The following BACH2 variants were observed in gnomAD, a reference collection of about 807,000 sequenced individuals.
BACH2 encodes the protein BACH transcriptional regulator 2.
Under a neutral mutation model 61.8 loss-of-function variants are expected in BACH2, and 5 were observed. That is an observed-to-expected ratio of 0.08 (90% CI 0.04 to 0.17). BACH2 has a LOEUF of 0.17. BACH2 is among the 10% of genes least tolerant of loss of function. The pLI is 1.00. For synonymous variants in BACH2, 446 were observed against 440.1 expected (o/e 1.01, Z -0.17); for missense variants, 824 against 1,091.1 (o/e 0.76, Z 3.45).
chr6:90,113,682 C>T (rs945087119), intron 4 of BACH2, among the ~76,000 whole-genome samples: 1 of 151,806 alleles, frequency 6.6e-6, no homozygotes, highest in African/African-American at 2.4e-5. Context: ...TAACAAAAAT[C>T]AGAGCTGAAC....
chr6:90,153,607 T>C (rs1784898423), intron 4 of BACH2, among the ~76,000 whole-genome samples: 4 of 152,196 alleles, frequency 2.6e-5, no homozygotes, highest in South Asian at 2.1e-4. Context: ...ATTAAGTGAA[T>C]AGCAATCTGA....
chr6:90,023,268 C>G (rs899725027), intron 5 of BACH2, among the ~76,000 whole-genome samples: 23 of 152,136 alleles, frequency 1.5e-4, no homozygotes, highest in Non-Finnish European at 4.4e-5. Context: ...GAGGTGGGGC[C>G]TGGTGGGAGG....
At chr6:90,057,945 A>G (rs1780459052) in intron 5 of BACH2, among the ~76,000 whole-genome samples, 1 of 152,232 alleles carries the variant, frequency 6.6e-6, no homozygotes, top group African/African-American at 2.4e-5. Context: ...AAAACTCTCA[A>G]TAAATTAGGG....
At chr6:90,028,548 C>G (rs141889808) in intron 5 of BACH2, among the ~76,000 whole-genome samples, 1 of 152,314 alleles carries the variant, frequency 6.6e-6, no homozygotes, top group Non-Finnish European at 1.5e-5. Flanking sequence ...TGGGGCCAGC[C>G]TGCCTGCATC....
chr6:90,253,737 C>T (rs946904187), intron 2 of BACH2, among the ~76,000 whole-genome samples: 3 of 152,034 alleles, frequency 2.0e-5, no homozygotes, highest in African/African-American at 7.2e-5. Flanking sequence ...TGGAAGAATC[C>T]AAGTGTATTT....
rs1361260406 is a variant in BACH2 at position 89,931,932 on chromosome 6, T to C, written c.*476A>G. 1 of 58,130 alleles carries C rather than the reference T, an allele frequency of 1.7e-5. No individual in the cohort carries two copies. The highest frequency in any genetic ancestry group is 3.2e-5 in the Non-Finnish European group (1 of 31,632). 3.6% of individuals were successfully genotyped at this position (58,130 alleles called of 1,614,324 possible). A position where few individuals can be genotyped will look rare whatever the true frequency, so the allele number is the denominator to read the frequency against. On this transcript the variant is annotated 3_prime_UTR_variant, in exon 9 of 9. Coordinates refer to ENST00000257749, the MANE Select transcript of BACH2 (RefSeq NM_021813.4). Reference sequence around the variant, plus strand: ...TTGAGGCATGCAGGACTTTTGCATATGGATATATATATATATATATATATA... The same window carrying C: ...TTGAGGCATGCAGGACTTTTGCATACGGATATATATATATATATATATATA...
intron 5 of BACH2, among the ~76,000 whole-genome samples, chr6:90,054,652 T>C (rs1437954473): frequency 2.0e-5 from 3 of 152,332 alleles, no homozygotes; most frequent in South Asian, 2.1e-4. Flanking sequence ...CAGCTTGAGA[T>C]CTGAGAACGG....
intron 8 of BACH2, among the ~76,000 whole-genome samples, chr6:89,937,566 A>G (rs906268119): frequency 2.0e-5 from 3 of 152,132 alleles, no homozygotes; most frequent in African/African-American, 4.8e-5. Flanking sequence ...GTTTCACTCT[A>G]TCACCCAGGC....
At chr6:89,976,424 A>C (rs1775655881) in intron 6 of BACH2, among the ~76,000 whole-genome samples, 1 of 152,238 alleles carries the variant, frequency 6.6e-6, no homozygotes, top group South Asian at 2.1e-4. Context: ...GGCTACTAGC[A>C]GTCTAAACTC....
chr6:89,976,852 C>T (rs2128362197), intron 6 of BACH2, among the ~76,000 whole-genome samples: 1 of 152,244 alleles, frequency 6.6e-6, no homozygotes, highest in East Asian at 1.9e-4. Flanking sequence ...TAAAAAAAAT[C>T]ACACATAAAA....
intron 6 of BACH2, among the ~76,000 whole-genome samples, chr6:89,988,822 G>A (rs1476118886): frequency 6.6e-6 from 1 of 152,216 alleles, no homozygotes; most frequent in Non-Finnish European, 1.5e-5. Context: ...ATGCAATGAT[G>A]GGACTGCCTA....
intron 3 of BACH2, among the ~76,000 whole-genome samples, chr6:90,219,618 T>A (rs562297423): frequency 2.6e-4 from 39 of 152,326 alleles, no homozygotes; most frequent in African/African-American, 9.1e-4. Flanking sequence ...GAGGGCCATT[T>A]ACCATCCGCG....
chr6:90,072,933 T>C (rs1781304765), intron 5 of BACH2, among the ~76,000 whole-genome samples: 1 of 152,148 alleles, frequency 6.6e-6, no homozygotes, highest in South Asian at 2.1e-4. Flanking sequence ...ATGTATGAAA[T>C]CTAACATCGT....
intron 5 of BACH2, among the ~76,000 whole-genome samples, chr6:90,012,458 C>T (rs1321963320): frequency 1.3e-5 from 2 of 151,720 alleles, no homozygotes; most frequent in African/African-American, 4.8e-5. Context: ...GCTGAAACCC[C>T]ATCTCTACTA....
chr6:90,155,352 A>G (rs1784961483), intron 4 of BACH2, among the ~76,000 whole-genome samples: 1 of 152,226 alleles, frequency 6.6e-6, no homozygotes, highest in African/African-American at 2.4e-5. Flanking sequence ...ACATGGCAGT[A>G]GGTGTCAGCG....
chr6:90,243,540 A>G (rs764480913), intron 3 of BACH2, among the ~76,000 whole-genome samples: 2 of 152,196 alleles, frequency 1.3e-5, no homozygotes, highest in African/African-American at 2.4e-5. Flanking sequence ...AGGAAACATC[A>G]GTTTTCCATT....
At position 90,008,042 on chromosome 6, in the gene BACH2, C is replaced by T; in HGVS notation, c.243+560G>A. ...AGACCAGGTCCAGCTACTAGTGTTC[C>T]CAAAGTGCCAAAATAACCGTATTCA... On this transcript the variant is annotated intron_variant, in intron 6 of 8. Coordinates refer to ENST00000257749, the MANE Select transcript of BACH2 (RefSeq NM_021813.4). This position sits in a 1 kb window ranked among gnomAD's most constrained non-coding sequence, Gnocchi z 4.1. 1 of 162,528 alleles carries T rather than the reference C, an allele frequency of 6.2e-6. No homozygotes were observed. Among genetic ancestry groups the T allele is most frequent in the South Asian group, 1.7e-4 (1 of 5,770 alleles). The allele number at this position is 162,528 out of a possible 1,614,324, so 10.1% of individuals were successfully genotyped here.
intron 2 of BACH2, among the ~76,000 whole-genome samples, chr6:90,267,677 C>T (rs774680216): frequency 5.3e-5 from 8 of 151,894 alleles, no homozygotes; most frequent in South Asian, 4.1e-4. Flanking sequence ...TATGGTACAA[C>T]GATACCATAG....
intron 1 of BACH2, among the ~76,000 whole-genome samples, chr6:90,279,184 C>T (rs895133569): frequency 1.4e-4 from 21 of 151,816 alleles, no homozygotes; most frequent in South Asian, 4.2e-4. Flanking sequence ...ATCGAACAAA[C>T]GCTATAGGAA....
Sources: gnomAD v4.1 joint callset for allele counts (sites outside exome capture counted in the v4.1 genomes callset) on GRCh38, gnomAD v4.1.1 for gene constraint, Gnocchi (gnomAD v3.1) non-coding constraint, MANE v1.5 for transcripts, NCBI Gene and HGNC (gene_info 2026-07-23, HGNC 2026-07-21) for gene names.